Variants in UBE2N observed in about 807,000 individuals in gnomAD.
UBE2N encodes the protein ubiquitin conjugating enzyme E2 N.
For missense variants in UBE2N, 60 were observed against 192.1 expected (o/e 0.31, Z 4.07); for synonymous variants, 70 against 69.2 (o/e 1.01, Z -0.06).
At chr12:93,437,809 A>G (rs1203745030) in intron 1 of UBE2N, among the ~76,000 whole-genome samples, 2 of 152,172 alleles carry the variant, frequency 1.3e-5, no homozygotes, top group African/African-American at 4.8e-5. Flanking sequence ...CAAACAAACA[A>G]AAACAGTGGT....
rs931698895 is a variant in UBE2N, at chr12:93,405,734, T to G, written c.*4305A>C. On this transcript the variant is annotated 3_prime_UTR_variant, in exon 4 of 4. Coordinates refer to ENST00000318066, the MANE Select transcript of UBE2N (RefSeq NM_003348.4). ...ATTATTTACACTTCTCTCAAATTAT[T>G]ACATTCAGCATGTTTTGCTTTTTAT... The G allele has an allele frequency of 6.6e-6, 1 of 152,230 alleles. No individual in the cohort carries two copies. The highest frequency in any genetic ancestry group is 1.9e-4 in the East Asian group (1 of 5,202). The allele number at this position is 152,230 out of a possible 1,614,324, so 9.4% of individuals were successfully genotyped here. A position where few individuals can be genotyped will look rare whatever the true frequency, so the allele number is the denominator to read the frequency against.
chr12:93,424,578 G>C (rs935277395), intron 1 of UBE2N, among the ~76,000 whole-genome samples: 2 of 152,140 alleles, frequency 1.3e-5, no homozygotes, highest in Admixed American at 6.5e-5. Context: ...GCAGATATTG[G>C]AGGGTTGTCT....
At chr12:93,433,947 A>G (rs1455390274) in intron 1 of UBE2N, among the ~76,000 whole-genome samples, 3 of 152,238 alleles carry the variant, frequency 2.0e-5, no homozygotes, top group African/African-American at 7.2e-5. Flanking sequence ...TGGTCATCCA[A>G]CTTCTTTGGC....
intron 1 of UBE2N, among the ~76,000 whole-genome samples, chr12:93,434,564 A>G (rs1462352267): frequency 2.0e-5 from 3 of 152,230 alleles, no homozygotes; most frequent in Non-Finnish European, 4.4e-5. Context: ...TTCATAATCA[A>G]AACATTAGAT....
intron 1 of UBE2N, among the ~76,000 whole-genome samples, chr12:93,428,946 T>C (rs1878669625): frequency 6.6e-6 from 1 of 152,004 alleles, no homozygotes; most frequent in Non-Finnish European, 1.5e-5. Context: ...ACCACAACAA[T>C]AAAGACAGGG....
intron 1 of UBE2N, among the ~76,000 whole-genome samples, chr12:93,413,456 A>G (rs1878095695): frequency 6.6e-6 from 1 of 152,078 alleles, no homozygotes; most frequent in Admixed American, 6.6e-5. Context: ...CCTAATTCAT[A>G]TCTAGCCCAG....
At position 93,409,884 on chromosome 12, in the gene UBE2N, G is replaced by C. The variant is rs539238615; in HGVS notation, c.*155C>G. 1.1e-3 allele frequency: 742 copies of C among 705,162 alleles called. 6 individuals are homozygous for C. The highest frequency in any genetic ancestry group is 5.4e-3 in the Middle Eastern group (14 of 2,596). 43.7% of individuals were successfully genotyped at this position (705,162 alleles called of 1,614,324 possible). A position where few individuals can be genotyped will look rare whatever the true frequency, so the allele number is the denominator to read the frequency against. On this transcript the variant is annotated 3_prime_UTR_variant, in exon 4 of 4. Transcript: ENST00000318066. ...TGACAGTGAATCAGGACAAGACATAGATTTGCTAATGTGCATTTAATCACC... is the reference window on the plus strand; with the variant it reads ...TGACAGTGAATCAGGACAAGACATACATTTGCTAATGTGCATTTAATCACC...
chr12:93,408,147 G>A lies in UBE2N; in HGVS notation c.*1892C>T, dbSNP rs1326509659. 1 of 152,278 alleles carries A rather than the reference G, an allele frequency of 6.6e-6. No individual in the cohort carries two copies. Among genetic ancestry groups the A allele is most frequent in the Middle Eastern group, 3.4e-3 (1 of 294 alleles). The allele number at this position is 152,278 out of a possible 1,614,324, so 9.4% of individuals were successfully genotyped here. On this transcript the variant is annotated 3_prime_UTR_variant, in exon 4 of 4. Transcript: ENST00000318066. ...GTTGATTTCTATTTCGTTTCTTGAA[G>A]TTTTGTGTGGTTCATTTTTAAAGTG...
intron 1 of UBE2N, among the ~76,000 whole-genome samples, chr12:93,433,623 C>A (rs897148144): frequency 6.6e-6 from 1 of 152,144 alleles, no homozygotes; most frequent in Admixed American, 6.5e-5. Flanking sequence ...CTATGCCTCT[C>A]ATATTTATTT....
chr12:93,413,524 G>GA (rs1213088036), intron 1 of UBE2N, among the ~76,000 whole-genome samples: 1 of 151,894 alleles, frequency 6.6e-6, no homozygotes, highest in Non-Finnish European at 1.5e-5. Context: ...ATACACTCTT[G>GA]AATGTCTAAT....
intron 3 of UBE2N, chr12:93,410,409 ATACTT>A (rs1592738784): frequency 2.0e-6 from 1 of 504,550 alleles, no homozygotes; most frequent in Non-Finnish European, 3.5e-6. Flanking sequence ...AAACAGCTGA[ATACTT>A]TAATCAAATG....
At chr12:93,410,577 G>T in intron 3 of UBE2N, 157 bp downstream of exon 3, 1 of 1,141,852 alleles carries the variant, frequency 8.8e-7, no homozygotes. Context: ...CCCATAGCAA[G>T]CCATTTTGTT....
At chr12:93,432,781 A>T (rs1377870982) in intron 1 of UBE2N, among the ~76,000 whole-genome samples, 4 of 152,200 alleles carry the variant, frequency 2.6e-5, no homozygotes, top group Non-Finnish European at 5.9e-5. Context: ...AATGCAAAAT[A>T]TGTCAACCTT....
chr12:93,430,309 T>C (rs577609429), intron 1 of UBE2N, among the ~76,000 whole-genome samples: 3 of 152,196 alleles, frequency 2.0e-5, no homozygotes, highest in Admixed American at 6.5e-5. Flanking sequence ...TAGGTTTGTA[T>C]AAATATACTC....
intron 1 of UBE2N, among the ~76,000 whole-genome samples, chr12:93,437,753 C>T (rs1436949978): frequency 2.0e-5 from 3 of 152,196 alleles, no homozygotes; most frequent in Admixed American, 1.3e-4. Flanking sequence ...TGCACCACTG[C>T]ACTCCAGCCT....
chr12:93,416,451 CTTT>C (rs35555714), intron 1 of UBE2N, among the ~76,000 whole-genome samples: 4 of 144,716 alleles, frequency 2.8e-5, no homozygotes, highest in African/African-American at 5.0e-5. Context: ...ACTTATCTAT[CTTT>C]TTTTTTTTTT....
At chr12:93,423,688 T>G (rs144039799) in intron 1 of UBE2N, among the ~76,000 whole-genome samples, 1 of 152,316 alleles carries the variant, frequency 6.6e-6, no homozygotes, top group East Asian at 1.9e-4. Context: ...TTCTAAAATG[T>G]CCCTTGAACA....
intron 1 of UBE2N, among the ~76,000 whole-genome samples, chr12:93,439,420 G>A (rs1312001257): frequency 1.3e-5 from 2 of 152,164 alleles, no homozygotes; most frequent in Non-Finnish European, 2.9e-5. Context: ...TCAAGGCTGT[G>A]GTAAGCCATG....
At chr12:93,441,393 C>T (rs1879103058) in intron 1 of UBE2N, 1 of 160,730 alleles carries the variant, frequency 6.2e-6, no homozygotes, top group Admixed American at 6.5e-5. Context: ...GCCGCACCTC[C>T]GCGGCCCCGT....
Sources: gnomAD v4.1 joint callset for allele counts (sites outside exome capture counted in the v4.1 genomes callset) on GRCh38, gnomAD v4.1.1 for gene constraint, MANE v1.5 for transcripts, NCBI Gene and HGNC (gene_info 2026-07-23, HGNC 2026-07-21) for gene names.